Variants in RBMS3 observed in about 807,000 individuals in gnomAD.
RBMS3 encodes RNA-binding motif, single-stranded-interacting protein 3.
In RBMS3, 27 loss-of-function variants were observed where a neutral mutation model predicts 66.8. The observed-to-expected ratio is 0.40, with a 90% CI of 0.30 to 0.56. RBMS3 has a LOEUF of 0.56. Among genes scored for constraint, RBMS3 ranks in the 20% least tolerant of loss-of-function variants. RBMS3 has a pLI of 0.40. For missense variants in RBMS3, 513 were observed against 549.5 expected, an observed-to-expected ratio of 0.93 and a Z score of 0.66; for synonymous variants, 188 against 183.0, an observed-to-expected ratio of 1.03 and a Z score of -0.22.
intron 6 of RBMS3, among the ~76,000 whole-genome samples, chr3:29,866,384 C>A (rs919970122): frequency 1.3e-5 from 2 of 152,126 alleles, no homozygotes; most frequent in African/African-American, 4.8e-5. Flanking sequence ...TCTTACCTAA[C>A]AGAGGCACAC....
chr3:29,808,449 G>A (rs977170883), intron 6 of RBMS3, among the ~76,000 whole-genome samples: 20 of 151,964 alleles, frequency 1.3e-4, no homozygotes, highest in Middle Eastern at 3.2e-3. Context: ...AAATGAAAAG[G>A]AAAATGCCAA....
chr3:29,936,010 A>G, intron 10 of RBMS3, 76 bp from the exon 11 acceptor site: 2 of 1,207,436 alleles, frequency 1.7e-6, no homozygotes, highest in Non-Finnish European at 2.4e-6. Context: ...CACATTTACA[A>G]TTTACAGTGT....
chr3:29,640,988 C>T (rs1360489711), intron 4 of RBMS3: 1 of 151,814 alleles, frequency 6.6e-6, no homozygotes, highest in Non-Finnish European at 1.5e-5. Context: ...TTAGCATAGT[C>T]CTTGGCCAAT....
chr3:29,642,903 C>G (rs1391073929), intron 4 of RBMS3: 3 of 152,088 alleles, frequency 2.0e-5, no homozygotes, highest in Non-Finnish European at 4.4e-5. Context: ...CTGAGTAATT[C>G]AAGTCTGCCT....
chr3:29,734,916 C>G (rs998392440), intron 4 of RBMS3, among the ~76,000 whole-genome samples: 4 of 152,026 alleles, frequency 2.6e-5, no homozygotes, highest in Non-Finnish European at 5.9e-5. Context: ...GAAATAAAAA[C>G]AGTTCACACT....
At position 29,822,602 on chromosome 3, in the gene RBMS3, A is replaced by G. The variant is rs143180498; in HGVS notation, c.638-46256A>G. Among the ~76,000 whole-genome samples the G allele has an allele frequency of 1.8e-4, 28 of 152,278 alleles. No homozygotes were observed. In the East Asian group the frequency reaches 5.0e-3, roughly 27 times the overall value. Reference sequence around the variant, plus strand: ...CTATTTGATGTGTCTACATATTTCAATGTATCCAATGACAATTTATGCCAT... The same window carrying G: ...CTATTTGATGTGTCTACATATTTCAGTGTATCCAATGACAATTTATGCCAT... On this transcript the variant is annotated intron_variant, in intron 6 of 14. Transcript: ENST00000383767.
At chr3:29,491,183 G>C (rs17724928) in intron 3 of RBMS3, among the ~76,000 whole-genome samples, 3,418 of 152,266 alleles carry the variant, frequency 0.022, 97 homozygotes, top group Admixed American at 0.09. Context: ...TATAGTGGGA[G>C]CGTGGGTGCT....
At chr3:29,929,074 C>T (rs2061034759) in intron 10 of RBMS3, among the ~76,000 whole-genome samples, 2 of 152,096 alleles carry the variant, frequency 1.3e-5, no homozygotes, top group South Asian at 2.1e-4. Flanking sequence ...ATATAGTAAC[C>T]CATCTGTGTA....
intron 3 of RBMS3, among the ~76,000 whole-genome samples, chr3:29,497,680 C>T (rs923184486): frequency 2.6e-5 from 4 of 152,088 alleles, no homozygotes; most frequent in Non-Finnish European, 5.9e-5. Flanking sequence ...TCTAAGGATA[C>T]CCCATCTCTC....
intron 1 of RBMS3, among the ~76,000 whole-genome samples, chr3:29,381,809 C>T (rs2038775090): frequency 6.6e-6 from 1 of 152,160 alleles, no homozygotes; most frequent in Admixed American, 6.5e-5. Flanking sequence ...TCATTTTTGT[C>T]TTTTTGTTAT....
At chr3:29,462,322 T>C (rs374099763) in intron 2 of RBMS3, among the ~76,000 whole-genome samples, 18 of 152,332 alleles carry the variant, frequency 1.2e-4, no homozygotes, top group East Asian at 7.7e-4. Flanking sequence ...CTGTGCTATG[T>C]ATTGATTTAA....
intron 6 of RBMS3, among the ~76,000 whole-genome samples, chr3:29,808,461 G>C (rs1324747121): frequency 6.6e-6 from 1 of 151,968 alleles, no homozygotes; most frequent in African/African-American, 2.4e-5. Flanking sequence ...AAATGCCAAA[G>C]GATTTTGCAA....
At chr3:29,369,639 C>T (rs1358455757) in intron 1 of RBMS3, among the ~76,000 whole-genome samples, 1 of 151,466 alleles carries the variant, frequency 6.6e-6, no homozygotes, top group Non-Finnish European at 1.5e-5. Context: ...GAAATAACAT[C>T]AAGGAAAGAG....
intron 2 of RBMS3, among the ~76,000 whole-genome samples, chr3:29,448,719 C>A (rs903737782): frequency 6.6e-6 from 1 of 152,156 alleles, no homozygotes; most frequent in African/African-American, 2.4e-5. Flanking sequence ...GTCCTACATC[C>A]TGGGAAACTC....
chr3:29,840,733 T>C (rs973192857), intron 6 of RBMS3, among the ~76,000 whole-genome samples: 1 of 152,044 alleles, frequency 6.6e-6, no homozygotes, highest in Non-Finnish European at 1.5e-5. Flanking sequence ...TTAATGAATG[T>C]ACCATATTTA....
chr3:29,724,403 G>A (rs556372427), intron 4 of RBMS3, among the ~76,000 whole-genome samples: 69 of 152,134 alleles, frequency 4.5e-4, no homozygotes, highest in African/African-American at 1.6e-3. Context: ...TAAATTTTTA[G>A]TATATCATAA....
At chr3:29,645,396 T>C (rs571251054) in intron 4 of RBMS3, among the ~76,000 whole-genome samples, 1 of 152,344 alleles carries the variant, frequency 6.6e-6, no homozygotes, top group Non-Finnish European at 1.5e-5. Context: ...GGGTGTCTGG[T>C]GCTGTCCAAG....
intron 3 of RBMS3, among the ~76,000 whole-genome samples, chr3:29,540,790 G>A (rs969114871): frequency 7.9e-5 from 12 of 152,074 alleles, no homozygotes; most frequent in Non-Finnish European, 1.3e-4. Flanking sequence ...TATGGGTTTC[G>A]GTTGATGTCT....
intron 12 of RBMS3, among the ~76,000 whole-genome samples, chr3:29,986,393 G>T (rs1352294182): frequency 6.6e-6 from 1 of 152,084 alleles, no homozygotes; most frequent in South Asian, 2.1e-4. Context: ...ACCTTTAATA[G>T]GCTTCTTCTG....
Sources: gnomAD v4.1 joint callset for allele counts (sites outside exome capture counted in the v4.1 genomes callset) on GRCh38, gnomAD v4.1.1 for gene constraint, MANE v1.5 for transcripts, NCBI Gene and HGNC (gene_info 2026-07-23, HGNC 2026-07-21) for gene names.